The following KAT7 variants were observed in gnomAD, a reference collection of about 807,000 sequenced individuals.
KAT7 encodes histone acetyltransferase KAT7.
A neutral mutation model predicts 82.1 loss-of-function variants in KAT7; 10 were observed. The observed-to-expected ratio is 0.12, with a 90% confidence interval of 0.08 to 0.21. KAT7 has a LOEUF of 0.21. KAT7 is among the 10% of genes least tolerant of loss of function. The pLI is 1.00. For missense variants in KAT7, 378 were observed against 760.9 expected (o/e 0.50, Z 5.92); for synonymous variants, 250 against 262.5 (o/e 0.95, Z 0.46).
intron 12 of KAT7, among the ~76,000 whole-genome samples, chr17:49,824,230 A>G (rs1382820140): frequency 1.3e-5 from 2 of 152,244 alleles, no homozygotes; most frequent in Non-Finnish European, 2.9e-5. Context: ...GTGACTTTAT[A>G]AAACATAACT....
At chr17:49,815,659 T>C (rs910608576) in intron 7 of KAT7, 144 bp from the exon 8 acceptor site, 6 of 578,224 alleles carry the variant, frequency 1.0e-5, no homozygotes, top group Non-Finnish European at 1.9e-5. Context: ...GTAGTATGTC[T>C]TGTGCTCAAT....
intron 11 of KAT7, 139 bp from the exon 12 acceptor site, chr17:49,823,063 A>C: frequency 1.6e-6 from 1 of 611,032 alleles, no homozygotes; most frequent in South Asian, 1.9e-5. Flanking sequence ...TGGTTATAAC[A>C]GCTGTGAGCC....
intron 4 of KAT7, among the ~76,000 whole-genome samples, chr17:49,799,225 G>T (rs566384438): frequency 4.5e-4 from 68 of 152,290 alleles, no homozygotes; most frequent in African/African-American, 1.3e-3. Flanking sequence ...GTTTTGTCTA[G>T]AGTTGGAAGA....
chr17:49,788,930 G>T, intron 1 of KAT7, 81 bp downstream of exon 1: 1 of 1,331,216 alleles, frequency 7.5e-7, no homozygotes, highest in Non-Finnish European at 1.0e-6. Flanking sequence ...ACGCCTCACA[G>T]TGCTTGGGTC....
At chr17:49,822,611 G>T (rs1472272811) in intron 11 of KAT7, among the ~76,000 whole-genome samples, 3 of 152,038 alleles carry the variant, frequency 2.0e-5, no homozygotes, top group Non-Finnish European at 1.5e-5. Flanking sequence ...CGCACTGAAA[G>T]GGTACAATTT....
In KAT7 at chr17:49,796,743, G is replaced by A; in HGVS notation, c.164-7G>A. The A allele has an allele frequency of 6.5e-7, 1 of 1,530,826 alleles. No homozygotes were observed. The highest frequency in any genetic ancestry group is 8.8e-7 in the Non-Finnish European group (1 of 1,132,614). 94.8% of individuals were successfully genotyped at this position (1,530,826 alleles called of 1,614,324 possible). On this transcript the variant is annotated splice_polypyrimidine_tract_variant and splice_region_variant and intron_variant, in intron 2 of 14. Coordinates refer to ENST00000259021, the MANE Select transcript of KAT7 (RefSeq NM_007067.5). ...TTTTCTTTATTTTCTTTTAAAATTG[G>A]GATCAGATTCCAGTCCTGTTCGAAA...
At chr17:49,789,180 T>TGGCCCC (rs1285693279) in intron 1 of KAT7, 1 of 234,126 alleles carries the variant, frequency 4.3e-6, no homozygotes, top group Non-Finnish European at 8.3e-6. Context: ...GGGCGGTGTC[T>TGGCCCC]GGCCCCGGCC....
At chr17:49,818,883 C>G (rs376242414) in intron 9 of KAT7, among the ~76,000 whole-genome samples, 1 of 151,780 alleles carries the variant, frequency 6.6e-6, no homozygotes, top group Non-Finnish European at 1.5e-5. Context: ...GGACTACAGT[C>G]GCACACCACC....
At chr17:49,789,605 G>T (rs891081089) in intron 1 of KAT7, 1 of 152,182 alleles carries the variant, frequency 6.6e-6, no homozygotes, top group East Asian at 1.9e-4. Flanking sequence ...ATGGAGTGCC[G>T]CAAGCCACTC....
intron 2 of KAT7, among the ~76,000 whole-genome samples, chr17:49,793,566 T>C (rs2073916042): frequency 6.6e-6 from 1 of 151,724 alleles, no homozygotes; most frequent in African/African-American, 2.4e-5. Flanking sequence ...CAGTGTTGCT[T>C]TGGTTAATTT....
At chr17:49,812,476 C>T (rs1341540091) in intron 7 of KAT7, among the ~76,000 whole-genome samples, 8 of 151,980 alleles carry the variant, frequency 5.3e-5, no homozygotes, top group East Asian at 1.9e-4. Flanking sequence ...CTGCCCACCT[C>T]GGCCTCCCAA....
At chr17:49,820,559 G>T (rs2074290094) in intron 9 of KAT7, among the ~76,000 whole-genome samples, 1 of 152,094 alleles carries the variant, frequency 6.6e-6, no homozygotes, top group Non-Finnish European at 1.5e-5. Context: ...GATTACAGGC[G>T]TGAGCCACCG....
In KAT7 at chr17:49,828,573, C is replaced by G. The variant is rs1431633719; in HGVS notation, c.*1071C>G. ...TTTGCTTCTCTTTTCAACAGTGCCT[C>G]ACCCTCCCTCTAGGATTAAAGTGCT... On this transcript the variant is annotated 3_prime_UTR_variant, in exon 15 of 15. Coordinates refer to ENST00000259021, the MANE Select transcript of KAT7 (RefSeq NM_007067.5). 1 of 152,684 alleles carries G rather than the reference C, an allele frequency of 6.5e-6. No individual in the cohort carries two copies. Among genetic ancestry groups the G allele is most frequent in the Non-Finnish European group, 1.5e-5 (1 of 68,062 alleles). The allele number at this position is 152,684 out of a possible 1,614,324, so 9.5% of individuals were successfully genotyped here.
At position 49,805,430 on chromosome 17, in the gene KAT7, A is replaced by T. The variant is rs754830196; in HGVS notation, c.648A>T (p.Ser216=). 6.2e-7 allele frequency: 1 copy of T among 1,611,360 alleles called. No individual in the cohort carries two copies. The highest frequency in any genetic ancestry group is 8.5e-7 in the Non-Finnish European group (1 of 1,177,520). The change falls in exon 5 of 15, where the codon TCA becomes TCT. Residue 216 remains serine, a synonymous_variant. Transcript: ENST00000259021. The stretch of plus-strand genomic sequence containing the variant: ...GATGCCCACTGTATCATAACCTCTC[A>T]GCTGACGAATGCAAGGTAATTGTGC... ...ISGCPLYHNL[S]ADECKVRAQS... is the part of the protein sequence containing the mutation.
In KAT7 at chr17:49,796,814, A is replaced by G. The variant is rs774364738; in HGVS notation, c.228A>G (p.Arg76=). ...AGGAGCCTGCTTACTCTACCAGAAG[A>G]GTGACCCGTAGTCAGCAGCAGCCTA... ...GTEEPAYSTR[R]VTRSQQQPTP... Residue 76 remains arginine (R), a synonymous_variant, in exon 3 of 15, where the codon AGA becomes AGG. Coordinates refer to ENST00000259021, the MANE Select transcript of KAT7 (RefSeq NM_007067.5). 8 of 1,613,974 alleles carry G rather than the reference A, an allele frequency of 5.0e-6. No individual in the cohort carries two copies. The highest frequency in any genetic ancestry group is 6.8e-6 in the Non-Finnish European group (8 of 1,180,008).
At chr17:49,804,378 CAAA>C (rs1192411045) in intron 4 of KAT7, among the ~76,000 whole-genome samples, 3 of 93,082 alleles carry the variant, frequency 3.2e-5, no homozygotes. Context: ...GACTCCGTCT[CAAA>C]AAAAAAAAAA....
chr17:49,826,046 T>G lies in KAT7; in HGVS notation c.1527T>G (p.Arg509=), dbSNP rs1304706808. 1 of 1,612,726 alleles carries G rather than the reference T, an allele frequency of 6.2e-7. No individual in the cohort carries two copies. The highest frequency in any genetic ancestry group is 8.5e-7 in the Non-Finnish European group (1 of 1,178,898). Reference sequence around the variant, plus strand: ...AAGAAAAAGTTGGCTCCCCAGAACGTCCACTCTCAGATCTGGGGCTTATAA... The same window carrying G: ...AAGAAAAAGTTGGCTCCCCAGAACGGCCACTCTCAGATCTGGGGCTTATAA... ...KVEEKVGSPE[R]PLSDLGLISY... is the part of the protein sequence containing the mutation. Residue 509 remains arginine, a synonymous_variant, in exon 13 of 15, where the codon CGT becomes CGG. Coordinates refer to ENST00000259021, the MANE Select transcript of KAT7 (RefSeq NM_007067.5).
At chr17:49,813,923 C>T (rs1219866383) in intron 7 of KAT7, among the ~76,000 whole-genome samples, 2 of 151,622 alleles carry the variant, frequency 1.3e-5, no homozygotes, top group Non-Finnish European at 2.9e-5. Flanking sequence ...ACTCTGTCAC[C>T]CAGGCTGGAG....
intron 1 of KAT7, chr17:49,790,071 C>G (rs191167868): frequency 2.6e-5 from 4 of 152,308 alleles, no homozygotes; most frequent in Admixed American, 2.0e-4. Flanking sequence ...ACTTGGAAAA[C>G]TGGGTGGTAT....
Sources: gnomAD v4.1 joint callset for allele counts (sites outside exome capture counted in the v4.1 genomes callset) on GRCh38, gnomAD v4.1.1 for gene constraint, MANE v1.5 for transcripts, NCBI Gene and HGNC (gene_info 2026-07-23, HGNC 2026-07-21) for gene names.